Variants in SLC39A11 observed in about 807,000 individuals in gnomAD.
SLC39A11 encodes the protein zinc transporter ZIP11.
SLC39A11 carries 33 observed loss-of-function variants against 36.1 expected under a neutral mutation model. The observed-to-expected ratio is 0.91, with a 90% CI of 0.69 to 1.22. The LOEUF (loss-of-function observed/expected upper bound fraction) is 1.22. SLC39A11 is among the 50% of genes most tolerant of loss of function. The pLI is 0.00. For missense variants in SLC39A11, 432 were observed against 430.3 expected (o/e 1.00, Z -0.03); for synonymous variants, 166 against 170.3 (o/e 0.97, Z 0.20).
intron 6 of SLC39A11, among the ~76,000 whole-genome samples, chr17:72,830,712 G>C (rs1295998654): frequency 4.6e-5 from 7 of 152,124 alleles, no homozygotes; most frequent in African/African-American, 1.7e-4. Flanking sequence ...TCGCAAGGTA[G>C]AGCCCAAGGA....
At chr17:73,007,375 T>C (rs2880886) in intron 4 of SLC39A11, among the ~76,000 whole-genome samples, 142,873 of 152,238 alleles carry the variant, frequency 0.94, 67,080 homozygotes, top group South Asian at 0.97. Flanking sequence ...GAGCCAAGAT[T>C]ATGCCACTGC....
At chr17:72,978,680 C>T (rs1289922247) in intron 4 of SLC39A11, among the ~76,000 whole-genome samples, 1 of 151,930 alleles carries the variant, frequency 6.6e-6, no homozygotes, top group Non-Finnish European at 1.5e-5. Flanking sequence ...GTAAGGGGGA[C>T]CAGTCAGGAG....
intron 4 of SLC39A11, among the ~76,000 whole-genome samples, chr17:73,021,726 T>C (rs1001818282): frequency 6.6e-6 from 1 of 152,202 alleles, no homozygotes; most frequent in African/African-American, 2.4e-5. Context: ...CATAAACATG[T>C]GGCTGAGCTC....
At chr17:72,829,082 C>T (rs543666171) in intron 6 of SLC39A11, among the ~76,000 whole-genome samples, 26 of 152,186 alleles carry the variant, frequency 1.7e-4, no homozygotes, top group South Asian at 1.5e-3. Context: ...CCAGGTGCGG[C>T]GGCTCACACC....
chr17:72,896,483 T>C (rs748310179), intron 5 of SLC39A11, among the ~76,000 whole-genome samples: 1 of 152,018 alleles, frequency 6.6e-6, no homozygotes, highest in Non-Finnish European at 1.5e-5. Flanking sequence ...ATTACAGGCA[T>C]GAGTCACTGC....
intron 5 of SLC39A11, among the ~76,000 whole-genome samples, chr17:72,895,886 A>G (rs1247373321): frequency 4.6e-5 from 7 of 152,222 alleles, no homozygotes; most frequent in Non-Finnish European, 1.0e-4. Context: ...TAGTTAAATG[A>G]AAATTGCTAA....
intron 7 of SLC39A11, among the ~76,000 whole-genome samples, chr17:72,665,950 C>G (rs1164253946): frequency 6.6e-6 from 1 of 152,108 alleles, no homozygotes; most frequent in African/African-American, 2.4e-5. Flanking sequence ...CTGATTTATC[C>G]CAAGCACATA....
At chr17:72,915,868 G>C (rs1027026873) in intron 5 of SLC39A11, among the ~76,000 whole-genome samples, 2 of 152,120 alleles carry the variant, frequency 1.3e-5, no homozygotes, top group Non-Finnish European at 1.5e-5. Flanking sequence ...ACATTTTTAG[G>C]GAACCTTCGC....
intron 6 of SLC39A11, among the ~76,000 whole-genome samples, chr17:72,813,005 C>T (rs2077478755): frequency 6.6e-6 from 1 of 152,166 alleles, no homozygotes; most frequent in Non-Finnish European, 1.5e-5. Flanking sequence ...TTTTCTCTTC[C>T]AGAATTGAAA....
chr17:73,078,402 G>C (rs938145968), intron 3 of SLC39A11, among the ~76,000 whole-genome samples: 1 of 152,074 alleles, frequency 6.6e-6, no homozygotes, highest in African/African-American at 2.4e-5. Flanking sequence ...TAGATAGGTA[G>C]GTAGGTAAGT....
At chr17:72,708,972 G>T (rs1398237095) in intron 7 of SLC39A11, among the ~76,000 whole-genome samples, 2 of 149,104 alleles carry the variant, frequency 1.3e-5, no homozygotes, top group East Asian at 2.0e-4. Flanking sequence ...GTCTCGCGCT[G>T]TTGCCCAGGC....
intron 5 of SLC39A11, among the ~76,000 whole-genome samples, chr17:72,900,229 G>GAA (rs1202261974): frequency 1.4e-5 from 2 of 147,004 alleles, no homozygotes; most frequent in Middle Eastern, 3.4e-3. Context: ...AAGAAAGAAA[G>GAA]AAAAAGACAG....
In SLC39A11 at chr17:72,996,033, TAGTAGCTGG is replaced by T. The variant is rs1379221654; in HGVS notation, c.306+35514_306+35522del. ...TTCTGCCTTCCCGCCTAGCCTATTG[TAGTAGCTGG>T]AGTCTAGTCCAGCACCCTCCACACT... On this transcript the variant is annotated intron_variant, in intron 4 of 9. Coordinates refer to ENST00000255559, the MANE Select transcript of SLC39A11 (RefSeq NM_139177.4). 2.0e-5 allele frequency among the ~76,000 whole-genome samples: 3 copies of T among 152,244 alleles called. No homozygotes were observed. In the East Asian group the frequency reaches 5.8e-4, roughly 29 times the overall value.
chr17:72,799,799 G>C (rs746782967), intron 6 of SLC39A11, among the ~76,000 whole-genome samples: 1 of 151,728 alleles, frequency 6.6e-6, no homozygotes. Context: ...GACCCTTCTC[G>C]GTGGTTCTGT....
chr17:72,883,240 G>A (rs1289836349), intron 5 of SLC39A11, among the ~76,000 whole-genome samples: 1 of 152,150 alleles, frequency 6.6e-6, no homozygotes, highest in Non-Finnish European at 1.5e-5. Context: ...CGCAGAGCAG[G>A]CCTCCTACTG....
At chr17:72,874,622 C>T (rs1326041612) in intron 5 of SLC39A11, among the ~76,000 whole-genome samples, 1 of 152,174 alleles carries the variant, frequency 6.6e-6, no homozygotes, top group Non-Finnish European at 1.5e-5. Flanking sequence ...ATGCAGGTTC[C>T]TGTCTCCTGT....
intron 4 of SLC39A11, among the ~76,000 whole-genome samples, chr17:72,966,811 C>T (rs1392704384): frequency 2.6e-5 from 4 of 152,138 alleles, no homozygotes; most frequent in East Asian, 1.9e-4. Context: ...CCTCGTGATC[C>T]GCCCGCCTCA....
At chr17:72,973,838 G>T (rs2087638436) in intron 4 of SLC39A11, among the ~76,000 whole-genome samples, 1 of 152,112 alleles carries the variant, frequency 6.6e-6, no homozygotes, top group East Asian at 1.9e-4. Flanking sequence ...TGAGATTAAG[G>T]CATGAACCAC....
At chr17:72,799,462 T>A (rs2077011012) in intron 6 of SLC39A11, among the ~76,000 whole-genome samples, 1 of 152,160 alleles carries the variant, frequency 6.6e-6, no homozygotes, top group African/African-American at 2.4e-5. Flanking sequence ...GCCATATTTT[T>A]CTTCTTGCAG....
Sources: allele counts gnomAD v4.1 joint callset (sites outside exome capture counted in the v4.1 genomes callset), GRCh38; gene constraint gnomAD v4.1.1; transcripts MANE v1.5; gene names NCBI Gene and HGNC (gene_info 2026-07-23, HGNC 2026-07-21).